The following DOCK1 variants were observed in gnomAD, a reference collection of about 807,000 sequenced individuals.
DOCK1 encodes the protein dedicator of cytokinesis 1, also known as dedicator of cytokinesis protein 1.
Under a neutral mutation model 262.7 loss-of-function variants are expected in DOCK1, and 138 were observed. That is an observed-to-expected ratio of 0.53 (90% CI 0.46 to 0.61). DOCK1 has a LOEUF of 0.61. Ranked by LOEUF, DOCK1 falls within the 20% of genes least tolerant of loss-of-function variation. The pLI, the probability that DOCK1 is intolerant of heterozygous loss-of-function variation, is 0.00. For missense variants in DOCK1, 1,908 were observed against 2,370.7 expected (o/e 0.80, Z 4.05); for synonymous variants, 866 against 867.4 (o/e 1.00, Z 0.03).
chr10:127,059,034 G>A (rs533346780), intron 22 of DOCK1, among the ~76,000 whole-genome samples: 3 of 152,110 alleles, frequency 2.0e-5, no homozygotes, highest in African/African-American at 7.2e-5. Context: ...GACTCTGTTT[G>A]TATGAAAATG....
intron 29 of DOCK1, among the ~76,000 whole-genome samples, chr10:127,269,602 T>C (rs979940783): frequency 6.6e-6 from 1 of 152,208 alleles, no homozygotes; most frequent in African/African-American, 2.4e-5. Flanking sequence ...TCTTGTGCAG[T>C]TGTCTCTGTT....
At chr10:127,197,896 G>GA (rs999454630) in intron 27 of DOCK1, among the ~76,000 whole-genome samples, 6 of 151,576 alleles carry the variant, frequency 4.0e-5, no homozygotes, top group African/African-American at 4.8e-5. Flanking sequence ...CATTTCAGAA[G>GA]AAAAAAAAAT....
intron 27 of DOCK1, among the ~76,000 whole-genome samples, chr10:127,134,510 A>G (rs149834971): frequency 1.3e-5 from 2 of 152,282 alleles, no homozygotes; most frequent in African/African-American, 2.4e-5. Context: ...GAGCAGATGC[A>G]GGACTACAGG....
At position 126,994,307 on chromosome 10, in the gene DOCK1, AT is replaced by A. The variant is rs2040010749; in HGVS notation, c.474-2438del. 3.3e-4 allele frequency among the ~76,000 whole-genome samples: 6 copies of A among 18,298 alleles called. No individual in the cohort carries two copies. In the Admixed American group the frequency reaches 4.9e-3, roughly 15 times the overall value. The allele number at this position is 18,298 out of a possible 152,430, so 12.0% of individuals were successfully genotyped here. ...ATATTCCCCAAAATATGTACTGTTT[AT>A]TTATTTATTTATTTATTTATTTTTA... is the stretch of plus-strand genomic sequence containing the variant. On this transcript the variant is annotated intron_variant, in intron 6 of 51. Coordinates refer to ENST00000623213, the MANE Select transcript of DOCK1 (RefSeq NM_001290223.2).
intron 27 of DOCK1, among the ~76,000 whole-genome samples, chr10:127,213,911 CT>C (rs2058088311): frequency 6.6e-6 from 1 of 152,206 alleles, no homozygotes; most frequent in African/African-American, 2.4e-5. Flanking sequence ...GCCATCTCAG[CT>C]CACTGCAAGC....
rs368035860 is a variant in DOCK1 at position 127,011,798 on chromosome 10, A to T, written c.1059-434A>T. Among the ~76,000 whole-genome samples the T allele has an allele frequency of 7.3e-3, 1,094 of 150,286 alleles. 8 individuals carry two copies. Among genetic ancestry groups the T allele is most frequent in the African/African-American group, 0.025 (1,018 of 41,006 alleles). ...AGGTTCCAGGGATTTTTTTTTTTTT[A>T]AATCTTGATTTTGCTTTTCCCTTTA... is the stretch of plus-strand genomic sequence containing the variant. On this transcript the variant is annotated intron_variant, in intron 11 of 51. Transcript: ENST00000623213.
chr10:126,965,202 A>T (rs1206521230), intron 1 of DOCK1, among the ~76,000 whole-genome samples: 1 of 152,108 alleles, frequency 6.6e-6, no homozygotes, highest in South Asian at 2.1e-4. Flanking sequence ...AGGGGGAGAA[A>T]TAATTCTGTT....
intron 25 of DOCK1, among the ~76,000 whole-genome samples, chr10:127,121,221 T>C (rs1263063648): frequency 2.0e-5 from 2 of 101,792 alleles, no homozygotes; most frequent in African/African-American, 3.1e-5. Context: ...ATAAGACCCC[T>C]CCTCCTTTTT....
chr10:127,391,490 C>T (rs747596108), intron 38 of DOCK1, among the ~76,000 whole-genome samples: 4 of 152,168 alleles, frequency 2.6e-5, no homozygotes, highest in Non-Finnish European at 4.4e-5. Flanking sequence ...TTATGCGCCT[C>T]GGTGATGTTG....
chr10:127,143,573 G>T (rs1362343252), intron 27 of DOCK1, among the ~76,000 whole-genome samples: 1 of 152,210 alleles, frequency 6.6e-6, no homozygotes, highest in Non-Finnish European at 1.5e-5. Context: ...GGCTTTTATT[G>T]TGTAGCTTTG....
intron 6 of DOCK1, among the ~76,000 whole-genome samples, chr10:126,994,011 C>G (rs950087349): frequency 6.6e-6 from 1 of 152,212 alleles, no homozygotes; most frequent in Non-Finnish European, 1.5e-5. Context: ...ATTTATCATT[C>G]TTTCAAATGA....
At chr10:127,031,863 C>A in intron 17 of DOCK1, 110 bp downstream of exon 17, 1 of 1,021,508 alleles carries the variant, frequency 9.8e-7, no homozygotes, top group Non-Finnish European at 1.5e-6. Context: ...TGCTATCTAG[C>A]TACATTTAAT....
chr10:127,081,148 G>T (rs2046876399), intron 23 of DOCK1, among the ~76,000 whole-genome samples: 1 of 152,112 alleles, frequency 6.6e-6, no homozygotes, highest in Admixed American at 6.5e-5. Context: ...GCAGTTATCA[G>T]CTGATGTTCA....
intron 23 of DOCK1, among the ~76,000 whole-genome samples, chr10:127,101,834 G>T (rs994148793): frequency 6.6e-6 from 1 of 152,154 alleles, no homozygotes; most frequent in Non-Finnish European, 1.5e-5. Context: ...AAGCCAGTTC[G>T]TGCCTCACCC....
chr10:126,937,199 T>A (rs1389431984), intron 1 of DOCK1, among the ~76,000 whole-genome samples: 3 of 152,230 alleles, frequency 2.0e-5, no homozygotes, highest in Admixed American at 2.0e-4. Flanking sequence ...AATATTCCAT[T>A]GTTTGTATAT....
rs144161861 is a variant in DOCK1, at chr10:127,351,987, G to A, written c.3225-2682G>A. On this transcript the variant is annotated intron_variant, in intron 31 of 51. Transcript: ENST00000623213. Reference sequence around the variant, plus strand: ...TTAGCACCTTGATGCCCGCAGGCCCGGCTCTCCTGAGGGGTGGGCTCTTGT... The same window carrying A: ...TTAGCACCTTGATGCCCGCAGGCCCAGCTCTCCTGAGGGGTGGGCTCTTGT... Among the ~76,000 whole-genome samples the A allele has an allele frequency of 2.4e-3, 358 of 151,636 alleles. 3 individuals are homozygous for A. The highest frequency in any genetic ancestry group is 8.4e-3 in the African/African-American group (347 of 41,284).
chr10:127,250,784 T>G (rs997268169), intron 28 of DOCK1, among the ~76,000 whole-genome samples: 3 of 75,454 alleles, frequency 4.0e-5, no homozygotes, highest in Non-Finnish European at 6.6e-5. Flanking sequence ...ACAGTGAGAC[T>G]CCGTCTCAAA....
chr10:127,252,164 T>G (rs2134863386), intron 28 of DOCK1, among the ~76,000 whole-genome samples: 1 of 141,470 alleles, frequency 7.1e-6, no homozygotes, highest in South Asian at 2.7e-4. Flanking sequence ...TCATGTGTTT[T>G]TTGGCTGCAT....
intron 10 of DOCK1, among the ~76,000 whole-genome samples, chr10:127,003,626 A>G (rs1357437187): frequency 2.0e-5 from 3 of 152,124 alleles, no homozygotes; most frequent in Non-Finnish European, 4.4e-5. Flanking sequence ...CAGAGGGGCC[A>G]GCCTTCCTAG....
Sources: gnomAD v4.1 joint callset for allele counts (sites outside exome capture counted in the v4.1 genomes callset) on GRCh38, gnomAD v4.1.1 for gene constraint, MANE v1.5 for transcripts, NCBI Gene and HGNC (gene_info 2026-07-23, HGNC 2026-07-21) for gene names.